OSBPL6: variants seen among roughly 807,000 people sequenced by gnomAD.
The protein encoded by OSBPL6 is oxysterol-binding protein-related protein 6.
OSBPL6 carries 49 observed loss-of-function variants against 125.8 expected under a neutral mutation model. The observed-to-expected ratio is 0.39, with a 90% CI of 0.31 to 0.49. The LOEUF is 0.49. OSBPL6 is among the 20% of genes least tolerant of loss of function. The pLI is 0.88. For missense variants in OSBPL6, 986 were observed against 1,135.4 expected (o/e 0.87, Z 1.89); for synonymous variants, 394 against 391.8 (o/e 1.01, Z -0.07).
At chr2:178,391,289 A>G in intron 22 of OSBPL6, 72 bp downstream of exon 22, 1 of 1,433,666 alleles carries the variant, frequency 7.0e-7, no homozygotes. Context: ...ACATCAGGTC[A>G]TCTTATGCAA....
chr2:178,227,030 G>T (rs562621071), intron 1 of OSBPL6, among the ~76,000 whole-genome samples: 6 of 152,148 alleles, frequency 3.9e-5, no homozygotes, highest in Admixed American at 6.5e-5. Flanking sequence ...TTGAAACTGG[G>T]TGATGGCTAC....
At chr2:178,258,667 C>T (rs1032085982) in intron 1 of OSBPL6, among the ~76,000 whole-genome samples, 8 of 152,256 alleles carry the variant, frequency 5.3e-5, no homozygotes, top group East Asian at 1.9e-4. Flanking sequence ...GTAACTCATA[C>T]GCCTATCATG....
rs530796445 is a variant in OSBPL6, at chr2:178,221,561, A to G, written c.-351+26887A>G. Among the ~76,000 whole-genome samples the G allele has an allele frequency of 5.3e-5, 8 of 152,354 alleles. No homozygotes were observed. The East Asian group carries it at 1.3e-3, about 26-fold the overall frequency. ...TTTGTCGATTATGTACGTGTCACAC[A>G]TTTTTCACTGGCCTTTTCAAGTAGT... On this transcript the variant is annotated intron_variant, in intron 1 of 24. Coordinates refer to ENST00000190611, the MANE Select transcript of OSBPL6 (RefSeq NM_032523.4).
At chr2:178,320,297 C>T in intron 3 of OSBPL6, 4 of 1,612,260 alleles carry the variant, frequency 2.5e-6, no homozygotes, top group Non-Finnish European at 3.4e-6. Flanking sequence ...ACCTGAGGAG[C>T]ATATTTTTAC....
intron 13 of OSBPL6, 102 bp downstream of exon 13, chr2:178,361,917 G>A (rs764770839): frequency 1.4e-4 from 198 of 1,379,706 alleles, no homozygotes; most frequent in Non-Finnish European, 1.8e-4. Context: ...CTAGTCATGG[G>A]GATAGTACAG....
At chr2:178,245,921 T>C (rs138653563) in intron 1 of OSBPL6, among the ~76,000 whole-genome samples, 1 of 152,128 alleles carries the variant, frequency 6.6e-6, no homozygotes, top group East Asian at 1.9e-4. Context: ...AAGGCTGATG[T>C]TTGTGTGCCC....
intron 1 of OSBPL6, among the ~76,000 whole-genome samples, chr2:178,243,863 G>C (rs987574128): frequency 6.6e-6 from 1 of 152,124 alleles, no homozygotes; most frequent in Non-Finnish European, 1.5e-5. Context: ...ATGTTGGCCA[G>C]GCTGGTCTTG....
At chr2:178,358,982 C>T (rs1449234331) in intron 12 of OSBPL6, among the ~76,000 whole-genome samples, 3 of 151,998 alleles carry the variant, frequency 2.0e-5, no homozygotes, top group Non-Finnish European at 4.4e-5. Flanking sequence ...CAAGCATGAG[C>T]AACATAGTGA....
chr2:178,294,965 A>G (rs557349731), intron 2 of OSBPL6, among the ~76,000 whole-genome samples: 3 of 151,006 alleles, frequency 2.0e-5, no homozygotes, highest in African/African-American at 7.3e-5. Flanking sequence ...TTCCTAAAAT[A>G]CTCTTGGACT....
At chr2:178,230,236 G>A (rs1475537813) in intron 1 of OSBPL6, among the ~76,000 whole-genome samples, 1 of 152,204 alleles carries the variant, frequency 6.6e-6, no homozygotes, top group Non-Finnish European at 1.5e-5. Flanking sequence ...GCTGGAAATT[G>A]TAGATTAGTT....
intron 1 of OSBPL6, among the ~76,000 whole-genome samples, chr2:178,210,081 A>G (rs1169481679): frequency 2.6e-5 from 4 of 151,936 alleles, no homozygotes. Context: ...GTGCAGTGGC[A>G]TGATCTTGGC....
At chr2:178,317,718 A>G (rs1687884269) in intron 3 of OSBPL6, among the ~76,000 whole-genome samples, 1 of 151,766 alleles carries the variant, frequency 6.6e-6, no homozygotes. Context: ...AAATATTAAA[A>G]AGATGTATAT....
At chr2:178,220,625 T>G (rs1454012766) in intron 1 of OSBPL6, among the ~76,000 whole-genome samples, 1 of 152,194 alleles carries the variant, frequency 6.6e-6, no homozygotes, top group Admixed American at 6.5e-5. Flanking sequence ...ATAGTGTTCT[T>G]ATTGGAATTT....
chr2:178,320,136 C>A, intron 3 of OSBPL6: 1 of 883,998 alleles, frequency 1.1e-6, no homozygotes, highest in Non-Finnish European at 1.6e-6. Flanking sequence ...ACGTTTCTCT[C>A]CGCGTGAGTT....
chr2:178,366,111 C>T (rs764284653), intron 13 of OSBPL6, among the ~76,000 whole-genome samples: 4 of 152,118 alleles, frequency 2.6e-5, no homozygotes, highest in Non-Finnish European at 4.4e-5. Context: ...AGGCTGGTCT[C>T]GAACTCGTGG....
At chr2:178,262,591 A>C (rs2092098090) in intron 1 of OSBPL6, among the ~76,000 whole-genome samples, 1 of 152,222 alleles carries the variant, frequency 6.6e-6, no homozygotes. Context: ...AATATTTTGA[A>C]ATAGACATCA....
intron 12 of OSBPL6, among the ~76,000 whole-genome samples, chr2:178,355,127 G>C (rs577299387): frequency 6.6e-6 from 1 of 152,314 alleles, no homozygotes; most frequent in South Asian, 2.1e-4. Flanking sequence ...GCCCACAAGA[G>C]AAAGCAGGAA....
intron 2 of OSBPL6, among the ~76,000 whole-genome samples, chr2:178,291,602 A>G (rs1374723755): frequency 6.6e-6 from 1 of 151,952 alleles, no homozygotes; most frequent in African/African-American, 2.4e-5. Flanking sequence ...TCCTGGACAC[A>G]TTTTGTTATA....
chr2:178,222,351 T>C (rs947233530), intron 1 of OSBPL6, among the ~76,000 whole-genome samples: 1 of 152,148 alleles, frequency 6.6e-6, no homozygotes, highest in African/African-American at 2.4e-5. Flanking sequence ...GCTGATAAAA[T>C]AAAACAGAAT....
Sources: gnomAD v4.1 joint callset for allele counts (sites outside exome capture counted in the v4.1 genomes callset) on GRCh38, gnomAD v4.1.1 for gene constraint, MANE v1.5 for transcripts, NCBI Gene and HGNC (gene_info 2026-07-23, HGNC 2026-07-21) for gene names.